The following FBXL17 variants were observed in gnomAD, a reference collection of about 807,000 sequenced individuals.
FBXL17 encodes F-box and leucine rich repeat protein 17.
A neutral mutation model predicts 66.2 loss-of-function variants in FBXL17; 22 were observed. The ratio of observed to expected loss-of-function variants is 0.33; its 90% CI spans 0.24 to 0.47. FBXL17 has a LOEUF of 0.47. FBXL17 is among the 20% of genes least tolerant of loss of function. The pLI is 1.00. For missense variants in FBXL17, 878 were observed against 948.2 expected, an observed-to-expected ratio of 0.93 and a Z score of 0.97; for synonymous variants, 474 against 400.5, an observed-to-expected ratio of 1.18 and a Z score of -2.19.
intron 4 of FBXL17, among the ~76,000 whole-genome samples, chr5:108,241,779 A>T (rs891006964): frequency 1.2e-4 from 18 of 152,024 alleles, no homozygotes; most frequent in African/African-American, 3.9e-4. Context: ...AAAAAACAAA[A>T]AACAAATAAC....
At chr5:108,069,687 G>A (rs984131717) in intron 6 of FBXL17, among the ~76,000 whole-genome samples, 1 of 152,196 alleles carries the variant, frequency 6.6e-6, no homozygotes, top group Admixed American at 6.5e-5. Context: ...CCTGGTTACA[G>A]TTGGTGAAGA....
chr5:107,914,329 C>T (rs1019565483), intron 7 of FBXL17, among the ~76,000 whole-genome samples: 1 of 152,216 alleles, frequency 6.6e-6, no homozygotes, highest in Non-Finnish European at 1.5e-5. Context: ...CCTGGAAATA[C>T]CCAAATTATG....
intron 7 of FBXL17, among the ~76,000 whole-genome samples, chr5:107,931,185 T>C (rs1750723719): frequency 6.6e-6 from 1 of 152,178 alleles, no homozygotes; most frequent in Non-Finnish European, 1.5e-5. Context: ...TGACTTGATG[T>C]TGCTTTTGCT....
rs544328950 is a variant in FBXL17, at chr5:108,287,669, A to G, written c.1506+60730T>C. ...GGAATGCTTCTACACCACTGATGGG[A>G]ATGTAAATTAGTTCAGCCATTGGGA... On this transcript the variant is annotated intron_variant, in intron 4 of 8. Transcript: ENST00000542267. Among the ~76,000 whole-genome samples, 3 of 152,172 alleles carry G rather than the reference A, an allele frequency of 2.0e-5. No individual in the cohort carries two copies. In the East Asian group the frequency reaches 5.8e-4, roughly 29 times the overall value.
chr5:107,891,528 G>A (rs2112517853), intron 7 of FBXL17, among the ~76,000 whole-genome samples: 1 of 152,268 alleles, frequency 6.6e-6, no homozygotes, highest in South Asian at 2.1e-4. Context: ...TTGGCCTAGG[G>A]CTGCATAATA....
chr5:108,013,407 T>C (rs1419148994), intron 7 of FBXL17, among the ~76,000 whole-genome samples: 2 of 152,212 alleles, frequency 1.3e-5, no homozygotes, highest in African/African-American at 2.4e-5. Context: ...AACCAACGCA[T>C]ACAAAAGCAT....
intron 6 of FBXL17, among the ~76,000 whole-genome samples, chr5:108,180,771 AC>A (rs1227842791): frequency 6.6e-6 from 1 of 152,078 alleles, no homozygotes; most frequent in Admixed American, 6.5e-5. Flanking sequence ...GACTTTAGCT[AC>A]CGGATGTTAG....
At chr5:107,869,332 G>A (rs1748378069) in intron 8 of FBXL17, among the ~76,000 whole-genome samples, 1 of 152,170 alleles carries the variant, frequency 6.6e-6, no homozygotes, top group South Asian at 2.1e-4. Flanking sequence ...CCAGGTGCCA[G>A]CAAAAGTCAT....
chr5:107,892,958 C>T (rs984265464), intron 7 of FBXL17, among the ~76,000 whole-genome samples: 10 of 152,122 alleles, frequency 6.6e-5, no homozygotes, highest in African/African-American at 1.9e-4. Context: ...ATTCTGTTTT[C>T]GATATTCTCT....
At chr5:108,225,897 C>T (rs1755079312) in intron 4 of FBXL17, among the ~76,000 whole-genome samples, 1 of 152,170 alleles carries the variant, frequency 6.6e-6, no homozygotes, top group Admixed American at 6.6e-5. Flanking sequence ...AATTCATTTG[C>T]TTCTTGTATC....
At chr5:108,343,818 T>TTA (rs1474243022) in intron 4 of FBXL17, among the ~76,000 whole-genome samples, 1 of 152,148 alleles carries the variant, frequency 6.6e-6, no homozygotes, top group Non-Finnish European at 1.5e-5. Flanking sequence ...GACTAGGTGA[T>TTA]ATTAGACATT....
intron 4 of FBXL17, among the ~76,000 whole-genome samples, chr5:108,260,194 G>C (rs1033822291): frequency 6.6e-6 from 1 of 152,090 alleles, no homozygotes; most frequent in African/African-American, 2.4e-5. Flanking sequence ...GAGAGGACTA[G>C]TTGTTAATGT....
intron 4 of FBXL17, among the ~76,000 whole-genome samples, chr5:108,226,578 A>G (rs1014628191): frequency 2.0e-5 from 3 of 152,122 alleles, no homozygotes; most frequent in Non-Finnish European, 2.9e-5. Flanking sequence ...TTTCTATATC[A>G]ACTTGACTAT....
chr5:108,277,387 A>G (rs77000803), intron 4 of FBXL17, among the ~76,000 whole-genome samples: 1,720 of 152,246 alleles, frequency 0.011, 32 homozygotes, highest in African/African-American at 0.039. Flanking sequence ...TTTCTGGGGG[A>G]AAAAATGTAA....
chr5:108,268,666 A>G (rs1238005081), intron 4 of FBXL17, among the ~76,000 whole-genome samples: 1 of 152,138 alleles, frequency 6.6e-6, no homozygotes, highest in Non-Finnish European at 1.5e-5. Flanking sequence ...ATTTTCTTTA[A>G]AGATATTTAC....
intron 6 of FBXL17, among the ~76,000 whole-genome samples, chr5:108,049,373 C>T (rs1489171200): frequency 6.6e-6 from 1 of 152,026 alleles, no homozygotes; most frequent in Non-Finnish European, 1.5e-5. Context: ...TAGTCTTGAA[C>T]CCATCTTGGC....
chr5:108,309,729 T>C (rs1759024795), intron 4 of FBXL17, among the ~76,000 whole-genome samples: 1 of 152,042 alleles, frequency 6.6e-6, no homozygotes, highest in African/African-American at 2.4e-5. Context: ...TTCACTCAGG[T>C]ACAAACAGTG....
chr5:108,120,788 C>T (rs1750459011), intron 6 of FBXL17, among the ~76,000 whole-genome samples: 1 of 151,958 alleles, frequency 6.6e-6, no homozygotes, highest in African/African-American at 2.4e-5. Context: ...AGCTAGGAGG[C>T]AGAGCAAGAC....
chr5:108,235,799 C>T (rs1174688064), intron 4 of FBXL17, among the ~76,000 whole-genome samples: 1 of 152,144 alleles, frequency 6.6e-6, no homozygotes, highest in Non-Finnish European at 1.5e-5. Context: ...CAGTGTCCCA[C>T]GTACAACAGA....
Sources: gnomAD v4.1 joint callset for allele counts (sites outside exome capture counted in the v4.1 genomes callset) on GRCh38, gnomAD v4.1.1 for gene constraint, MANE v1.5 for transcripts, NCBI Gene and HGNC (gene_info 2026-07-23, HGNC 2026-07-21) for gene names.